SHISA9: variants seen among roughly 807,000 people sequenced by gnomAD.
SHISA9 encodes the protein protein shisa-9.
SHISA9 carries 13 observed loss-of-function variants against 38.0 expected under a neutral mutation model. The observed-to-expected ratio is 0.34, with a 90% confidence interval of 0.22 to 0.54. SHISA9 has a LOEUF of 0.54. Ranked by LOEUF, SHISA9 falls within the 20% of genes least tolerant of loss-of-function variation. The pLI, the probability that SHISA9 is intolerant of heterozygous loss-of-function variation, is 0.91. For missense variants in SHISA9, 538 were observed against 575.8 expected (o/e 0.93, Z 0.67); for synonymous variants, 275 against 242.0 (o/e 1.14, Z -1.27).
chr16:13,293,093 A>G, the SHISA9 span, among the ~76,000 whole-genome samples: 78 of 152,292 alleles, frequency 5.1e-4, no homozygotes, highest in African/African-American at 1.8e-3. Flanking sequence ...CAATGAGACA[A>G]ACAGATTCTA....
chr16:13,553,732 AT>A, the SHISA9 span, among the ~76,000 whole-genome samples: 2 of 152,144 alleles, frequency 1.3e-5, no homozygotes, highest in Non-Finnish European at 1.5e-5. Context: ...TTGTGGCTTC[AT>A]TGTTAAACCT....
At chr16:13,548,998 G>A in the SHISA9 span, among the ~76,000 whole-genome samples, 1 of 152,136 alleles carries the variant, frequency 6.6e-6, no homozygotes, top group Non-Finnish European at 1.5e-5. Flanking sequence ...AGAACATATA[G>A]TACATTTAGG....
chr16:13,116,960 A>G (rs2074036306), intron 2 of SHISA9, among the ~76,000 whole-genome samples: 1 of 152,054 alleles, frequency 6.6e-6, no homozygotes, highest in Non-Finnish European at 1.5e-5. Flanking sequence ...GTTGTGTGAT[A>G]CTGGAAAGGT....
chr16:12,939,042 ATCTCT>A (rs145083552), intron 2 of SHISA9, among the ~76,000 whole-genome samples: 2,426 of 151,946 alleles, frequency 0.016, 58 homozygotes, highest in African/African-American at 0.054. Flanking sequence ...AAGTAGTTTC[ATCTCT>A]TCTCTCCTCT....
the SHISA9 span, among the ~76,000 whole-genome samples, chr16:13,483,947 T>C: frequency 0.56 from 85,406 of 151,934 alleles, 24,700 homozygotes; most frequent in East Asian, 0.75. Context: ...TCCAGTAAAT[T>C]AGTTAGATTC....
At chr16:13,513,948 A>G in the SHISA9 span, among the ~76,000 whole-genome samples, 1 of 152,340 alleles carries the variant, frequency 6.6e-6, no homozygotes. Flanking sequence ...TACCTATGTA[A>G]CAAACCTGCA....
At chr16:13,160,190 T>C (rs1036102175) in intron 2 of SHISA9, among the ~76,000 whole-genome samples, 4 of 152,138 alleles carry the variant, frequency 2.6e-5, no homozygotes, top group Non-Finnish European at 5.9e-5. Flanking sequence ...GAACAGATTC[T>C]GAGGCAGGCG....
At chr16:13,213,135 C>T (rs1488895847) in intron 3 of SHISA9, 118 bp from the exon 4 acceptor site, 2 of 811,962 alleles carry the variant, frequency 2.5e-6, no homozygotes, top group Non-Finnish European at 4.1e-6. Context: ...TCCCCTGAGG[C>T]CTGTCCCTGC....
At chr16:13,174,290 G>A (rs1280691977) in intron 2 of SHISA9, among the ~76,000 whole-genome samples, 1 of 152,052 alleles carries the variant, frequency 6.6e-6, no homozygotes, top group Non-Finnish European at 1.5e-5. Context: ...ACTCTCCTCT[G>A]GTCCTGCCTT....
At chr16:13,138,733 G>A (rs748947199) in intron 2 of SHISA9, among the ~76,000 whole-genome samples, 5 of 152,218 alleles carry the variant, frequency 3.3e-5, no homozygotes, top group Non-Finnish European at 7.3e-5. Context: ...TTGTTCACAT[G>A]CAAAGAATTG....
In SHISA9 at chr16:13,236,900, G is replaced by C. The variant is rs1384805569; in HGVS notation, c.*1491G>C. 1 of 152,198 alleles carries C rather than the reference G, an allele frequency of 6.6e-6. No individual in the cohort carries two copies. The highest frequency in any genetic ancestry group is 2.1e-4 in the South Asian group (1 of 4,830). 9.4% of individuals were successfully genotyped at this position (152,198 alleles called of 1,614,324 possible). ...TCATCTCCCATCCAGAATGTCCTGA[G>C]GTTGTTTTTCTGGTTGGTTCTCATA... On this transcript the variant is annotated 3_prime_UTR_variant, in exon 5 of 5. Transcript: ENST00000558583.
chr16:13,479,882 C>T, the SHISA9 span, among the ~76,000 whole-genome samples: 1 of 152,166 alleles, frequency 6.6e-6, no homozygotes, highest in African/African-American at 2.4e-5. Context: ...TTCCTGGTTC[C>T]ATTTCCTATG....
chr16:13,431,563 T>G, the SHISA9 span, among the ~76,000 whole-genome samples: 4 of 152,170 alleles, frequency 2.6e-5, no homozygotes, highest in African/African-American at 7.2e-5. Context: ...ACTGTTTTCT[T>G]GTCTTTTTAT....
intron 2 of SHISA9, among the ~76,000 whole-genome samples, chr16:13,056,097 G>T (rs1458626297): frequency 6.6e-6 from 1 of 152,170 alleles, no homozygotes; most frequent in East Asian, 1.9e-4. Context: ...ACAGTTCAGG[G>T]CCTGACACAT....
At chr16:13,422,746 CA>C in the SHISA9 span, among the ~76,000 whole-genome samples, 1 of 151,956 alleles carries the variant, frequency 6.6e-6, no homozygotes, top group Non-Finnish European at 1.5e-5. Context: ...CCACCACCAC[CA>C]ACAACAACAA....
intron 2 of SHISA9, among the ~76,000 whole-genome samples, chr16:13,202,568 C>G (rs943572907): frequency 1.2e-5 from 1 of 82,094 alleles, no homozygotes; most frequent in Non-Finnish European, 2.7e-5. Flanking sequence ...TCCTTTAAAG[C>G]TTCCTTTTTT....
chr16:13,520,626 A>T, the SHISA9 span, among the ~76,000 whole-genome samples: 2 of 147,146 alleles, frequency 1.4e-5, no homozygotes, highest in Non-Finnish European at 1.5e-5. Context: ...AAAAAAAAAA[A>T]GTTATAGGGG....
chr16:13,154,625 T>G (rs1406477079), intron 2 of SHISA9, among the ~76,000 whole-genome samples: 1 of 152,172 alleles, frequency 6.6e-6, no homozygotes, highest in Non-Finnish European at 1.5e-5. Context: ...GCTACTGAGA[T>G]TTTGAGGCTG....
chr16:13,165,867 C>T (rs983952490), intron 2 of SHISA9, among the ~76,000 whole-genome samples: 7 of 152,132 alleles, frequency 4.6e-5, no homozygotes, highest in African/African-American at 1.7e-4. Flanking sequence ...CAACAGATCT[C>T]TATAAAAACA....
Sources: gnomAD v4.1 joint callset for allele counts (sites outside exome capture counted in the v4.1 genomes callset) on GRCh38, gnomAD v4.1.1 for gene constraint, MANE v1.5 for transcripts, NCBI Gene and HGNC (gene_info 2026-07-23, HGNC 2026-07-21) for gene names.